The following L3MBTL4 variants were observed in gnomAD, a reference collection of about 807,000 sequenced individuals.
L3MBTL4 encodes the protein lethal(3)malignant brain tumor-like protein 4.
L3MBTL4 carries 70 observed loss-of-function variants against 84.5 expected under a neutral mutation model. The ratio of observed to expected loss-of-function variants is 0.83; its 90% CI spans 0.68 to 1.01. The LOEUF (loss-of-function observed/expected upper bound fraction) is 1.01, where lower values mean the gene tolerates loss of function less well. L3MBTL4 is among the 50% of genes least tolerant of loss of function. The pLI is 0.00. For missense variants in L3MBTL4, 715 were observed against 754.8 expected (o/e 0.95, Z 0.62); for synonymous variants, 274 against 259.8 (o/e 1.05, Z -0.52).
chr18:6,351,659 C>T (rs1330991403), intron 1 of L3MBTL4, among the ~76,000 whole-genome samples: 1 of 152,000 alleles, frequency 6.6e-6, no homozygotes, highest in Non-Finnish European at 1.5e-5. Flanking sequence ...TCACGCCATT[C>T]TCCTGCCTCA....
intron 10 of L3MBTL4, among the ~76,000 whole-genome samples, chr18:6,227,475 G>A (rs535843073): frequency 6.6e-6 from 1 of 152,230 alleles, no homozygotes; most frequent in African/African-American, 2.4e-5. Context: ...TGAATTCATA[G>A]CTAAAACCTT....
At chr18:6,090,177 A>G (rs1311941294) in intron 15 of L3MBTL4, among the ~76,000 whole-genome samples, 5 of 152,192 alleles carry the variant, frequency 3.3e-5, no homozygotes, top group African/African-American at 1.2e-4. Context: ...GTAAATGGTG[A>G]CTTACTGTGA....
chr18:6,208,483 T>C (rs1261142709), intron 12 of L3MBTL4, among the ~76,000 whole-genome samples: 6 of 152,224 alleles, frequency 3.9e-5, no homozygotes, highest in Non-Finnish European at 8.8e-5. Flanking sequence ...TCAGTAGAAC[T>C]TATTAAAGCA....
intron 15 of L3MBTL4, among the ~76,000 whole-genome samples, chr18:6,083,291 A>G (rs755177914): frequency 6.6e-6 from 1 of 152,192 alleles, no homozygotes; most frequent in Non-Finnish European, 1.5e-5. Flanking sequence ...AGTCTCGAGA[A>G]TTAGGGTGGA....
intron 16 of L3MBTL4, among the ~76,000 whole-genome samples, chr18:6,074,797 G>A (rs982103243): frequency 2.6e-5 from 4 of 152,004 alleles, no homozygotes; most frequent in Admixed American, 6.6e-5. Context: ...CAGCAATACA[G>A]TATCATTTTT....
intron 12 of L3MBTL4, among the ~76,000 whole-genome samples, chr18:6,189,147 A>C (rs1421989780): frequency 6.6e-6 from 1 of 152,092 alleles, no homozygotes; most frequent in Non-Finnish European, 1.5e-5. Flanking sequence ...TTCACATTGC[A>C]TCACTCCAAT....
intron 1 of L3MBTL4, among the ~76,000 whole-genome samples, chr18:6,401,721 C>T (rs931585454): frequency 6.6e-6 from 1 of 152,182 alleles, no homozygotes; most frequent in Non-Finnish European, 1.5e-5. Context: ...CACAAGGCGG[C>T]TCTAATATTT....
At chr18:6,257,818 G>A (rs984453954) in intron 5 of L3MBTL4, among the ~76,000 whole-genome samples, 5 of 151,810 alleles carry the variant, frequency 3.3e-5, no homozygotes, top group Non-Finnish European at 5.9e-5. Flanking sequence ...AGCTAATTTT[G>A]TATTTTTAGT....
At chr18:6,092,951 G>A (rs2058509216) in intron 15 of L3MBTL4, among the ~76,000 whole-genome samples, 1 of 152,150 alleles carries the variant, frequency 6.6e-6, no homozygotes, top group South Asian at 2.1e-4. Context: ...AGACAAGTAA[G>A]AGATAAGAGA....
rs1444201011 is a variant in L3MBTL4 at position 5,993,768 on chromosome 18, C to A, written c.1445-24206G>T. 2.0e-5 allele frequency among the ~76,000 whole-genome samples: 3 copies of A among 152,050 alleles called. 1 individual carries two copies. The East Asian group carries it at 5.8e-4, about 29-fold the overall frequency. On this transcript the variant is annotated intron_variant, in intron 16 of 18. Coordinates refer to ENST00000317931, the MANE Select transcript of L3MBTL4 (RefSeq NM_001330559.2). The stretch of plus-strand genomic sequence containing the variant: ...TGAAAAAATTGAATTGTGGTTATAG[C>A]CATTATTTCCTACAAGGACACAATG...
At chr18:6,165,896 A>C (rs1355563929) in intron 13 of L3MBTL4, among the ~76,000 whole-genome samples, 3 of 152,202 alleles carry the variant, frequency 2.0e-5, no homozygotes, top group Admixed American at 6.5e-5. Context: ...AAATTGGATA[A>C]ACAGTCAAGA....
chr18:6,300,927 T>A (rs2146823124), intron 4 of L3MBTL4, among the ~76,000 whole-genome samples: 1 of 152,308 alleles, frequency 6.6e-6, no homozygotes, highest in East Asian at 1.9e-4. Context: ...GCATTCTGTT[T>A]TGATTTTTCA....
rs1599921690 is a variant in L3MBTL4, at chr18:6,401,490, A to C, written c.-91+13311T>G. Among the ~76,000 whole-genome samples, 4 of 152,338 alleles carry C rather than the reference A, an allele frequency of 2.6e-5. 1 individual carries two copies. The highest frequency in any genetic ancestry group is 2.6e-4 in the Admixed American group (4 of 15,310). On this transcript the variant is annotated intron_variant, in intron 1 of 18. Transcript: ENST00000317931. ...CCTCTTCCCAAACCACGAAAAGTGCACAGGGCAAAAAATGCACCGGGCAAG... is the reference window on the plus strand; with the variant it reads ...CCTCTTCCCAAACCACGAAAAGTGCCCAGGGCAAAAAATGCACCGGGCAAG...
chr18:6,072,882 ATATATATATATATATATATATATATAT>A lies in L3MBTL4; in HGVS notation c.1444+7972_1444+7998del, dbSNP rs1166615140. Among the ~76,000 whole-genome samples, 6 of 16,698 alleles carry A rather than the reference ATATATATATATATATATATATATATAT, an allele frequency of 3.6e-4. 2 individuals are homozygous for A. Among genetic ancestry groups the A allele is most frequent in the African/African-American group, 1.3e-3 (6 of 4,660 alleles). The allele number at this position is 16,698 out of a possible 152,430, so 11.0% of individuals were successfully genotyped here. On this transcript the variant is annotated intron_variant, in intron 16 of 18. Coordinates refer to ENST00000317931, the MANE Select transcript of L3MBTL4 (RefSeq NM_001330559.2). The stretch of plus-strand genomic sequence containing the variant: ...CTCCGTCTCAAAAAAAAAAAAAAAA[ATATATATATATATATATATATATATAT>A]ATATATATATATATATACACACATA...
chr18:6,368,899 G>A (rs543935563), intron 1 of L3MBTL4, among the ~76,000 whole-genome samples: 11 of 151,966 alleles, frequency 7.2e-5, no homozygotes, highest in Non-Finnish European at 1.2e-4. Context: ...AAAATTAGTC[G>A]GGTGTGATGG....
At chr18:5,987,006 C>T (rs984682640) in intron 16 of L3MBTL4, among the ~76,000 whole-genome samples, 7 of 152,222 alleles carry the variant, frequency 4.6e-5, no homozygotes, top group African/African-American at 1.7e-4. Context: ...AAAAAGCAAG[C>T]AGGTCTCTCC....
At chr18:6,335,023 T>G (rs569481324) in intron 1 of L3MBTL4, among the ~76,000 whole-genome samples, 1 of 152,324 alleles carries the variant, frequency 6.6e-6, no homozygotes, top group African/African-American at 2.4e-5. Context: ...TACCTTTGTC[T>G]CTCCAAAGCT....
intron 1 of L3MBTL4, among the ~76,000 whole-genome samples, chr18:6,342,010 G>A (rs1290631569): frequency 6.6e-6 from 1 of 152,088 alleles, no homozygotes; most frequent in African/African-American, 2.4e-5. Flanking sequence ...AAAGAAAAAA[G>A]CAGCCAACTA....
chr18:6,014,144 G>A (rs547599807), intron 16 of L3MBTL4, among the ~76,000 whole-genome samples: 1 of 152,298 alleles, frequency 6.6e-6, no homozygotes, highest in East Asian at 1.9e-4. Context: ...CTCCTATGGG[G>A]CTGTTGTTGG....
Sources: gnomAD v4.1 joint callset for allele counts (sites outside exome capture counted in the v4.1 genomes callset) on GRCh38, gnomAD v4.1.1 for gene constraint, MANE v1.5 for transcripts, NCBI Gene and HGNC (gene_info 2026-07-23, HGNC 2026-07-21) for gene names.